Variants in ATRNL1 observed in about 807,000 individuals in gnomAD.
ATRNL1 encodes attractin like 1.
A neutral mutation model predicts 182.7 loss-of-function variants in ATRNL1; 95 were observed. That is an observed-to-expected ratio of 0.52 (90% CI 0.44 to 0.62). The LOEUF is 0.62. Ranked by LOEUF, ATRNL1 falls within the 20% of genes least tolerant of loss-of-function variation. The probability of loss-of-function intolerance (pLI) is 0.00; values close to 1 mark genes in which losing one functional copy is unlikely to be tolerated. For synonymous variants in ATRNL1, 576 were observed against 568.3 expected, an observed-to-expected ratio of 1.01 and a Z score of -0.19; for missense variants, 1,471 against 1,679.5, an observed-to-expected ratio of 0.88 and a Z score of 2.17.
intron 17 of ATRNL1, among the ~76,000 whole-genome samples, chr10:115,302,763 C>T (rs1356086418): frequency 2.6e-5 from 4 of 150,962 alleles, no homozygotes; most frequent in Non-Finnish European, 2.9e-5. Context: ...ACACAAATGG[C>T]GTCAGAATAC....
At chr10:115,479,877 G>A (rs1346545903) in intron 24 of ATRNL1, among the ~76,000 whole-genome samples, 1 of 151,184 alleles carries the variant, frequency 6.6e-6, no homozygotes, top group Non-Finnish European at 1.5e-5. Context: ...TTCTACAATA[G>A]TGCTGTTCAT....
chr10:115,149,483 A>G (rs895513604), intron 5 of ATRNL1, among the ~76,000 whole-genome samples: 1 of 151,898 alleles, frequency 6.6e-6, no homozygotes, highest in African/African-American at 2.4e-5. Flanking sequence ...TTTGTCGTAT[A>G]TGTCCTTTTT....
chr10:115,849,924 G>C (rs1039421062), intron 28 of ATRNL1, among the ~76,000 whole-genome samples: 5 of 152,108 alleles, frequency 3.3e-5, no homozygotes, highest in African/African-American at 4.8e-5. Flanking sequence ...AATGTCTACA[G>C]GGTTGATAGA....
chr10:115,569,079 T>G (rs1180930790), intron 26 of ATRNL1, among the ~76,000 whole-genome samples: 1 of 151,934 alleles, frequency 6.6e-6, no homozygotes, highest in Non-Finnish European at 1.5e-5. Context: ...TAAAGAACAT[T>G]GCAATGTTAG....
At chr10:115,406,362 T>C (rs1361376752) in intron 20 of ATRNL1, among the ~76,000 whole-genome samples, 1 of 152,202 alleles carries the variant, frequency 6.6e-6, no homozygotes, top group African/African-American at 2.4e-5. Flanking sequence ...AGTATTCTTA[T>C]ATGTTTCCTG....
intron 28 of ATRNL1, among the ~76,000 whole-genome samples, chr10:115,938,675 A>G (rs1953636347): frequency 6.6e-6 from 1 of 152,230 alleles, no homozygotes; most frequent in African/African-American, 2.4e-5. Flanking sequence ...TACAGCCTTA[A>G]AAAGAAGGAA....
chr10:115,763,066 T>G (rs1948771310), intron 27 of ATRNL1, among the ~76,000 whole-genome samples: 1 of 152,168 alleles, frequency 6.6e-6, no homozygotes, highest in African/African-American at 2.4e-5. Context: ...GTAAAAGTTA[T>G]CATGCAATAA....
intron 26 of ATRNL1, among the ~76,000 whole-genome samples, chr10:115,626,035 A>G (rs78629793): frequency 1.3e-5 from 2 of 152,164 alleles, no homozygotes; most frequent in Non-Finnish European, 2.9e-5. Context: ...TTTGTACTAC[A>G]TGGTATATCT....
At chr10:115,529,870 C>T (rs1851461213) in intron 25 of ATRNL1, among the ~76,000 whole-genome samples, 1 of 152,086 alleles carries the variant, frequency 6.6e-6, no homozygotes, top group Admixed American at 6.6e-5. Flanking sequence ...AAGCCATGTA[C>T]TCATCAGTAG....
At chr10:115,360,128 TAAC>T (rs1856672242) in intron 19 of ATRNL1, among the ~76,000 whole-genome samples, 2 of 151,698 alleles carry the variant, frequency 1.3e-5, no homozygotes, top group South Asian at 4.1e-4. Context: ...CATATATTCC[TAAC>T]AACATCCCAA....
intron 28 of ATRNL1, among the ~76,000 whole-genome samples, chr10:115,913,410 G>T (rs1952746192): frequency 6.6e-6 from 1 of 152,168 alleles, no homozygotes; most frequent in African/African-American, 2.4e-5. Context: ...CTGATTCAAA[G>T]CCCAGTTTTG....
intron 24 of ATRNL1, among the ~76,000 whole-genome samples, chr10:115,473,872 A>G (rs1554972580): frequency 6.6e-6 from 1 of 151,312 alleles, no homozygotes; most frequent in East Asian, 1.9e-4. Context: ...AATTCCCCAC[A>G]GTCATTTCTT....
At chr10:115,922,695 C>T (rs1197679840) in intron 28 of ATRNL1, among the ~76,000 whole-genome samples, 1 of 152,144 alleles carries the variant, frequency 6.6e-6, no homozygotes, top group East Asian at 1.9e-4. Context: ...AGAAATACTC[C>T]ATCAGTGCTG....
intron 26 of ATRNL1, among the ~76,000 whole-genome samples, chr10:115,554,145 G>A (rs1047881647): frequency 6.6e-6 from 1 of 151,470 alleles, no homozygotes; most frequent in Admixed American, 6.6e-5. Context: ...TTAAACACAT[G>A]CTTTTTAAAA....
At chr10:115,595,825 C>T (rs977417207) in intron 26 of ATRNL1, among the ~76,000 whole-genome samples, 1 of 152,032 alleles carries the variant, frequency 6.6e-6, no homozygotes, top group Non-Finnish European at 1.5e-5. Context: ...GAAGCATTAG[C>T]GATTAATCAT....
intron 24 of ATRNL1, among the ~76,000 whole-genome samples, chr10:115,474,957 C>T (rs1554972818): frequency 6.6e-6 from 1 of 151,194 alleles, no homozygotes; most frequent in African/African-American, 2.4e-5. Context: ...TACCCAAATC[C>T]CCCTAGGTGA....
intron 1 of ATRNL1, among the ~76,000 whole-genome samples, chr10:115,117,064 ATTT>A (rs1844519145): frequency 1.3e-5 from 2 of 151,950 alleles, no homozygotes; most frequent in African/African-American, 4.8e-5. Flanking sequence ...GGGGATATAT[ATTT>A]TTAATTTTTG....
At chr10:115,591,710 G>A (rs942789189) in intron 26 of ATRNL1, among the ~76,000 whole-genome samples, 1 of 152,106 alleles carries the variant, frequency 6.6e-6, no homozygotes, top group Non-Finnish European at 1.5e-5. Flanking sequence ...GGTCCAAAAC[G>A]CGTATATACT....
intron 26 of ATRNL1, among the ~76,000 whole-genome samples, chr10:115,555,331 C>T (rs1853249728): frequency 6.6e-6 from 1 of 151,754 alleles, no homozygotes; most frequent in South Asian, 2.1e-4. Flanking sequence ...CTCTTTGACT[C>T]AATGGTTAGA....
Sources: gnomAD v4.1 joint callset for allele counts (sites outside exome capture counted in the v4.1 genomes callset) on GRCh38, gnomAD v4.1.1 for gene constraint, MANE v1.5 for transcripts, NCBI Gene and HGNC (gene_info 2026-07-23, HGNC 2026-07-21) for gene names.